Variants in PDE7B observed in about 807,000 individuals in gnomAD.
PDE7B encodes the protein 3',5'-cyclic-AMP phosphodiesterase 7B.
In PDE7B, 29 loss-of-function variants were observed where a neutral mutation model predicts 56.2. The observed-to-expected ratio is 0.52, with a 90% CI of 0.38 to 0.70. PDE7B has a LOEUF of 0.70. Ranked by LOEUF, PDE7B falls within the 30% of genes least tolerant of loss-of-function variation. The probability of loss-of-function intolerance (pLI) is 0.00; values close to 1 mark genes in which losing one functional copy is unlikely to be tolerated. For missense variants in PDE7B, 490 were observed against 565.0 expected (o/e 0.87, Z 1.35); for synonymous variants, 197 against 196.9 (o/e 1.00, Z 0.00).
At chr6:136,085,872 C>G (rs972051461) in intron 2 of PDE7B, among the ~76,000 whole-genome samples, 1 of 152,122 alleles carries the variant, frequency 6.6e-6, no homozygotes, top group African/African-American at 2.4e-5. Flanking sequence ...ACAACAAACA[C>G]TTCAGGCTCA....
intron 2 of PDE7B, among the ~76,000 whole-genome samples, chr6:135,953,144 T>C (rs1774729396): frequency 1.3e-5 from 2 of 152,300 alleles, no homozygotes; most frequent in Admixed American, 6.5e-5. Flanking sequence ...AATATTTTCA[T>C]CTGTGACAGT....
intron 2 of PDE7B, chr6:136,044,928 CT>C (rs947556236): frequency 2.0e-5 from 3 of 149,550 alleles, no homozygotes; most frequent in African/African-American, 7.4e-5. Context: ...TTTTTCTTTT[CT>C]TTCCCTTTAA....
chr6:136,004,986 G>C (rs1311728661), intron 2 of PDE7B, among the ~76,000 whole-genome samples: 1 of 151,908 alleles, frequency 6.6e-6, no homozygotes, highest in African/African-American at 2.4e-5. Flanking sequence ...AAACAGCATG[G>C]TACTGGTACC....
At chr6:136,136,075 C>G (rs1339286783) in intron 3 of PDE7B, among the ~76,000 whole-genome samples, 1 of 152,066 alleles carries the variant, frequency 6.6e-6, no homozygotes, top group Non-Finnish European at 1.5e-5. Context: ...AAACTGTCAT[C>G]CTAGACAACA....
intron 2 of PDE7B, chr6:136,095,742 C>T (rs1415269267): frequency 6.6e-6 from 1 of 152,214 alleles, no homozygotes; most frequent in Non-Finnish European, 1.5e-5. Flanking sequence ...TCTCCATACT[C>T]ACTGGCCATG....
intron 1 of PDE7B, 130 bp from the exon 2 acceptor site, chr6:135,947,334 C>G: frequency 1.4e-6 from 1 of 719,252 alleles, no homozygotes; most frequent in Non-Finnish European, 2.5e-6. Flanking sequence ...TGACATAAGT[C>G]CCTAGACTCA....
chr6:136,179,090 C>T lies in PDE7B; in HGVS notation c.897C>T (p.His299=), dbSNP rs747278303. Residue 299 remains histidine (H), a synonymous_variant, in exon 10 of 13, where the codon CAC becomes CAT. Coordinates refer to ENST00000308191, the MANE Select transcript of PDE7B (RefSeq NM_018945.4). ...EFLTRLKAHL[H]NKDLRLEDAQ... is the part of the protein sequence containing the mutation. ...TGACCAGATTGAAAGCTCACCTCCA[C>T]AATAAAGACTTAAGACTGGAGGATG... 15 of 1,613,768 alleles carry T rather than the reference C, an allele frequency of 9.3e-6. No individual in the cohort carries two copies. Among genetic ancestry groups the T allele is most frequent in the South Asian group, 2.2e-5 (2 of 91,084 alleles).
intron 3 of PDE7B, among the ~76,000 whole-genome samples, chr6:136,109,490 G>T (rs1042139318): frequency 6.6e-6 from 1 of 152,166 alleles, no homozygotes; most frequent in African/African-American, 2.4e-5. Flanking sequence ...CTCTTCTACA[G>T]TTGCCCTTAG....
chr6:135,918,484 C>A (rs1294308886), intron 1 of PDE7B, among the ~76,000 whole-genome samples: 1 of 152,302 alleles, frequency 6.6e-6, no homozygotes, highest in East Asian at 1.9e-4. Context: ...TCTTTCACAT[C>A]TGGTGTCATC....
chr6:135,914,020 C>T (rs1186854779), intron 1 of PDE7B, among the ~76,000 whole-genome samples: 1 of 152,088 alleles, frequency 6.6e-6, no homozygotes, highest in East Asian at 1.9e-4. Context: ...AGTGTGAGAT[C>T]TCACTGGCCT....
chr6:135,868,056 A>G (rs1192521608), intron 1 of PDE7B, among the ~76,000 whole-genome samples: 2 of 152,218 alleles, frequency 1.3e-5, no homozygotes, highest in Non-Finnish European at 2.9e-5. Context: ...TTTGACATGC[A>G]TTTAGGTTAT....
chr6:136,002,165 C>A (rs919687776), intron 2 of PDE7B, among the ~76,000 whole-genome samples: 1 of 152,126 alleles, frequency 6.6e-6, no homozygotes, highest in Admixed American at 6.5e-5. Flanking sequence ...GATTTTGTCA[C>A]CACCAGGCCT....
At chr6:136,165,084 CT>C (rs918944325) in intron 8 of PDE7B, among the ~76,000 whole-genome samples, 4 of 152,166 alleles carry the variant, frequency 2.6e-5, no homozygotes, top group African/African-American at 7.2e-5. Flanking sequence ...TCAAAATTCA[CT>C]GAATGAGCAG....
intron 3 of PDE7B, among the ~76,000 whole-genome samples, chr6:136,145,714 G>C (rs1037694814): frequency 3.9e-5 from 6 of 152,060 alleles, no homozygotes; most frequent in African/African-American, 1.2e-4. Context: ...ATGCTCTCTT[G>C]GCTTTCCTCT....
intron 1 of PDE7B, among the ~76,000 whole-genome samples, chr6:135,926,224 C>A (rs984897375): frequency 1.3e-5 from 2 of 151,616 alleles, no homozygotes; most frequent in Admixed American, 1.3e-4. Flanking sequence ...GCAGCTGGGA[C>A]TACAGGCACC....
chr6:135,858,869 G>T (rs564195324), intron 1 of PDE7B, among the ~76,000 whole-genome samples: 1 of 152,224 alleles, frequency 6.6e-6, no homozygotes, highest in Non-Finnish European at 1.5e-5. Context: ...TGCAAAATTA[G>T]TATTTATTCA....
intron 2 of PDE7B, among the ~76,000 whole-genome samples, chr6:135,966,185 T>C (rs1351725337): frequency 1.3e-5 from 2 of 152,184 alleles, no homozygotes; most frequent in Non-Finnish European, 2.9e-5. Context: ...GGAAAAGTGA[T>C]TGGCAATCTC....
At chr6:136,024,727 C>G (rs916851443) in intron 2 of PDE7B, among the ~76,000 whole-genome samples, 4 of 152,172 alleles carry the variant, frequency 2.6e-5, no homozygotes, top group African/African-American at 7.2e-5. Context: ...TAATATTATG[C>G]AACACCCTAG....
chr6:135,917,129 G>A (rs920437979), intron 1 of PDE7B, among the ~76,000 whole-genome samples: 6 of 152,080 alleles, frequency 3.9e-5, no homozygotes, highest in East Asian at 1.9e-4. Context: ...ACATTATTAC[G>A]ATGATTGCAG....
Sources: gnomAD v4.1 joint callset for allele counts (sites outside exome capture counted in the v4.1 genomes callset) on GRCh38, gnomAD v4.1.1 for gene constraint, MANE v1.5 for transcripts, NCBI Gene and HGNC (gene_info 2026-07-23, HGNC 2026-07-21) for gene names.